FSHR: variants seen among roughly 807,000 people sequenced by gnomAD.
FSHR encodes the protein follicle stimulating hormone receptor.
A neutral mutation model predicts 52.1 loss-of-function variants in FSHR; 46 were observed. The observed-to-expected ratio is 0.88, with a 90% CI of 0.70 to 1.13. The LOEUF (loss-of-function observed/expected upper bound fraction) is 1.13. Ranked by LOEUF, FSHR falls within the 50% of genes most tolerant of loss-of-function variation. The pLI, the probability that FSHR is intolerant of heterozygous loss-of-function variation, is 0.00. For missense variants in FSHR, 964 were observed against 834.6 expected (o/e 1.16, Z -1.91); for synonymous variants, 399 against 309.6 (o/e 1.29, Z -3.03).
chr2:49,150,033 A>C (rs980489988), intron 1 of FSHR, among the ~76,000 whole-genome samples: 1 of 152,102 alleles, frequency 6.6e-6, no homozygotes, highest in Non-Finnish European at 1.5e-5. Flanking sequence ...TTCAAATTTC[A>C]GATGTAGAAT....
At chr2:49,070,685 A>C (rs1669697748) in intron 1 of FSHR, among the ~76,000 whole-genome samples, 1 of 152,102 alleles carries the variant, frequency 6.6e-6, no homozygotes, top group Non-Finnish European at 1.5e-5. Flanking sequence ...GTTTTTCTAA[A>C]ATTTTCAAGG....
chr2:49,054,909 A>G (rs1333547544), intron 2 of FSHR, among the ~76,000 whole-genome samples: 1 of 152,200 alleles, frequency 6.6e-6, no homozygotes, highest in African/African-American at 2.4e-5. Flanking sequence ...AACCTACTTC[A>G]TAAAATTGGA....
intron 2 of FSHR, among the ~76,000 whole-genome samples, chr2:49,056,221 A>G (rs968771690): frequency 1.1e-4 from 17 of 151,910 alleles, no homozygotes; most frequent in African/African-American, 3.9e-4. Flanking sequence ...AAAAGACCCA[A>G]ATATATGCTG....
intron 1 of FSHR, among the ~76,000 whole-genome samples, chr2:49,146,186 C>G (rs923444928): frequency 3.3e-5 from 5 of 152,026 alleles, no homozygotes; most frequent in African/African-American, 1.2e-4. Flanking sequence ...TCAGAGGCTA[C>G]TATTGTGAGA....
At chr2:49,092,222 C>G (rs1000364496) in intron 1 of FSHR, among the ~76,000 whole-genome samples, 2 of 152,290 alleles carry the variant, frequency 1.3e-5, no homozygotes, top group Middle Eastern at 3.4e-3. Context: ...ACTTTGCATC[C>G]TATGAATTTG....
Position 48,988,986 on chromosome 2 carries a change from CT to C in FSHR, c.514del (p.Ser172ValfsTer2). 3 of 1,613,728 alleles carry C rather than the reference CT, an allele frequency of 1.9e-6. No homozygotes were observed. The highest frequency in any genetic ancestry group is 2.5e-6 in the Non-Finnish European group (3 of 1,179,708). On this transcript the variant is annotated frameshift_variant, in exon 6 of 10. Transcript: ENST00000406846. LOFTEE classifies it high-confidence loss of function. ...TTTCCCCCTTACTTACAGAATCACA[CT>C]TTCAAAGCTCAGCCCCACGAAAGAA... ...RNSFVGLSFESVILWLNKNGI... is the reference protein window; with the variant it reads ...RNSFVGLSFEXVILWLNKNGI...
chr2:49,000,725 C>T (rs1666842363), intron 4 of FSHR, among the ~76,000 whole-genome samples: 1 of 152,132 alleles, frequency 6.6e-6, no homozygotes, highest in African/African-American at 2.4e-5. Context: ...GGGCTGCTTG[C>T]TGCTTCACTT....
chr2:49,024,435 G>T (rs1248858009), intron 2 of FSHR, among the ~76,000 whole-genome samples: 3 of 152,082 alleles, frequency 2.0e-5, no homozygotes, highest in Non-Finnish European at 1.5e-5. Context: ...TTAGTCATGC[G>T]TGGTGGTGCA....
intron 1 of FSHR, among the ~76,000 whole-genome samples, chr2:49,072,793 C>G (rs967376733): frequency 6.6e-6 from 1 of 151,896 alleles, no homozygotes; most frequent in Non-Finnish European, 1.5e-5. Context: ...TTCATGGACT[C>G]GATTTATAAT....
intron 4 of FSHR, among the ~76,000 whole-genome samples, chr2:48,992,710 C>A (rs1379150086): frequency 1.3e-5 from 2 of 152,102 alleles, no homozygotes; most frequent in Non-Finnish European, 2.9e-5. Context: ...TCAGTGGAAT[C>A]ATCTAGAATG....
intron 8 of FSHR, among the ~76,000 whole-genome samples, chr2:48,974,106 C>A (rs576908071): frequency 6.6e-6 from 1 of 152,006 alleles, no homozygotes; most frequent in Admixed American, 6.6e-5. Flanking sequence ...AAAGGCAGAC[C>A]GAGAAATCCA....
intron 1 of FSHR, among the ~76,000 whole-genome samples, chr2:49,079,188 G>T (rs1670069498): frequency 6.6e-6 from 1 of 151,644 alleles, no homozygotes; most frequent in Non-Finnish European, 1.5e-5. Flanking sequence ...ACAGGCTCCA[G>T]GATTTAGGAG....
chr2:49,147,459 A>G (rs1470530331), intron 1 of FSHR, among the ~76,000 whole-genome samples: 1 of 152,078 alleles, frequency 6.6e-6, no homozygotes, highest in Non-Finnish European at 1.5e-5. Flanking sequence ...CTATTTCTGA[A>G]GCATAGGCTT....
Position 48,962,987 on chromosome 2 carries a change from C to T in FSHR, c.1834G>A (p.Val612Ile). 2 of 1,614,050 alleles carry T rather than the reference C, an allele frequency of 1.2e-6. No homozygotes were observed. The highest frequency in any genetic ancestry group is 2.2e-5 in the East Asian group (1 of 44,874). The change falls in exon 10 of 10, where the codon GTT becomes ATT. Residue 612 changes from valine to isoleucine, a missense_variant. Val to Ile is a conservative substitution (Grantham distance 29). Coordinates refer to ENST00000406846, the MANE Select transcript of FSHR (RefSeq NM_000145.4). ...ITVSKAKILL[V>I]LFHPINSCAN... is the part of the protein sequence containing the mutation. ...CAGGAGTTGATGGGGTGAAACAGAA[C>T]CAGCAGAATCTTTGCTTTGGACACA...
intron 1 of FSHR, among the ~76,000 whole-genome samples, chr2:49,118,915 C>T (rs915290700): frequency 1.3e-5 from 2 of 152,210 alleles, no homozygotes; most frequent in Non-Finnish European, 2.9e-5. Flanking sequence ...TATACCTGCA[C>T]TCCCCTTTCT....
chr2:49,032,526 T>G (rs1558401605), intron 2 of FSHR, among the ~76,000 whole-genome samples: 1 of 152,252 alleles, frequency 6.6e-6, no homozygotes, highest in Non-Finnish European at 1.5e-5. Flanking sequence ...TAACAGAAAT[T>G]GTACTCTCTT....
At chr2:49,076,328 A>T (rs1450142657) in intron 1 of FSHR, among the ~76,000 whole-genome samples, 1 of 152,220 alleles carries the variant, frequency 6.6e-6, no homozygotes, top group Non-Finnish European at 1.5e-5. Flanking sequence ...CATGTTCTAC[A>T]TGGATGGCAG....
intron 1 of FSHR, among the ~76,000 whole-genome samples, chr2:49,136,747 T>A (rs1322246902): frequency 6.6e-6 from 1 of 152,134 alleles, no homozygotes; most frequent in Non-Finnish European, 1.5e-5. Context: ...ATTACATCAA[T>A]ATAAATAAAA....
At chr2:49,135,846 A>C (rs971424746) in intron 1 of FSHR, among the ~76,000 whole-genome samples, 7 of 152,142 alleles carry the variant, frequency 4.6e-5, no homozygotes, top group African/African-American at 1.7e-4. Flanking sequence ...GAAAGATGGG[A>C]TATGTTTACT....
Sources: allele counts gnomAD v4.1 joint callset (sites outside exome capture counted in the v4.1 genomes callset), GRCh38; gene constraint gnomAD v4.1.1; transcripts MANE v1.5; gene names NCBI Gene and HGNC (gene_info 2026-07-23, HGNC 2026-07-21).